CNTN5: variants seen among roughly 807,000 people sequenced by gnomAD.
CNTN5 encodes the protein contactin 5.
CNTN5 carries 77 observed loss-of-function variants against 129.1 expected under a neutral mutation model. That is an observed-to-expected ratio of 0.60 (90% CI 0.50 to 0.72). The LOEUF (loss-of-function observed/expected upper bound fraction) is 0.72. CNTN5 is among the 30% of genes least tolerant of loss of function. The pLI is 0.00. For missense variants in CNTN5, 1,478 were observed against 1,328.8 expected (o/e 1.11, Z -1.75); for synonymous variants, 509 against 465.6 (o/e 1.09, Z -1.20).
intron 8 of CNTN5, among the ~76,000 whole-genome samples, chr11:99,999,817 C>G (rs1263286296): frequency 9.2e-5 from 14 of 152,030 alleles, no homozygotes; most frequent in Admixed American, 7.9e-4. Flanking sequence ...CCATGGAATA[C>G]TACGCAGCCA....
At chr11:99,208,476 A>G (rs1300800593) in intron 1 of CNTN5, among the ~76,000 whole-genome samples, 1 of 152,176 alleles carries the variant, frequency 6.6e-6, no homozygotes, top group Non-Finnish European at 1.5e-5. Context: ...TTACCAAGCC[A>G]TTATAATAAT....
chr11:100,082,130 G>A (rs941102474), intron 13 of CNTN5, among the ~76,000 whole-genome samples: 2 of 152,050 alleles, frequency 1.3e-5, no homozygotes, highest in Admixed American at 1.3e-4. Flanking sequence ...TGTGTGTATG[G>A]GTGTGTGTAC....
intron 1 of CNTN5, among the ~76,000 whole-genome samples, chr11:99,084,587 T>G (rs1865924914): frequency 6.6e-6 from 1 of 152,218 alleles, no homozygotes; most frequent in Non-Finnish European, 1.5e-5. Context: ...TATCCCTGTT[T>G]TCTTAACATT....
chr11:99,463,276 A>G (rs1944796656), intron 2 of CNTN5, among the ~76,000 whole-genome samples: 1 of 149,556 alleles, frequency 6.7e-6, no homozygotes, highest in Non-Finnish European at 1.5e-5. Flanking sequence ...ATCTCTACTA[A>G]AAATACAAAA....
At chr11:99,394,802 T>A (rs1480679822) in intron 2 of CNTN5, among the ~76,000 whole-genome samples, 1 of 151,900 alleles carries the variant, frequency 6.6e-6, no homozygotes, top group Non-Finnish European at 1.5e-5. Flanking sequence ...GTATTCGGTT[T>A]TCTGTTCCAG....
At chr11:99,534,508 C>T (rs984190846) in intron 2 of CNTN5, among the ~76,000 whole-genome samples, 8 of 140,578 alleles carry the variant, frequency 5.7e-5, no homozygotes, top group African/African-American at 2.0e-4. Flanking sequence ...AAAATTTGGG[C>T]ATAGTTAGAA....
At chr11:100,100,529 G>A (rs1005520533) in intron 13 of CNTN5, among the ~76,000 whole-genome samples, 3 of 151,972 alleles carry the variant, frequency 2.0e-5, no homozygotes, top group African/African-American at 7.2e-5. Context: ...TCCATCCACT[G>A]TCTGTAAACT....
At chr11:99,287,904 A>G (rs368530324) in intron 1 of CNTN5, among the ~76,000 whole-genome samples, 1 of 151,962 alleles carries the variant, frequency 6.6e-6, no homozygotes, top group East Asian at 1.9e-4. Context: ...TGAAAAAAGA[A>G]GGAAAAAGAG....
Position 100,356,526 on chromosome 11 carries a change from T to C in CNTN5, c.*306T>C. 1 of 343,234 alleles carries C rather than the reference T, an allele frequency of 2.9e-6. No homozygotes were observed. The highest frequency in any genetic ancestry group is 4.4e-5 in the Admixed American group (1 of 22,736). 21.3% of individuals were successfully genotyped at this position (343,234 alleles called of 1,614,324 possible). On this transcript the variant is annotated 3_prime_UTR_variant, in exon 25 of 25. Coordinates refer to ENST00000524871, the MANE Select transcript of CNTN5 (RefSeq NM_014361.4). ...CTTTACTTTTTTAATATGTTGGGAT[T>C]TTATTTTATATCTGATGACTCCGAG...
intron 9 of CNTN5, among the ~76,000 whole-genome samples, chr11:100,043,664 T>A (rs1942492673): frequency 2.0e-5 from 3 of 152,174 alleles, no homozygotes. Context: ...TGGATTTTCC[T>A]GCCAGGAACA....
chr11:100,329,586 TAACACCAC>T (rs1257966401), intron 21 of CNTN5, among the ~76,000 whole-genome samples: 2 of 152,094 alleles, frequency 1.3e-5, no homozygotes, highest in African/African-American at 4.8e-5. Context: ...ACTCCCCAAC[TAACACCAC>T]TGGAGCAGGT....
chr11:100,176,975 G>A (rs1468798549), intron 13 of CNTN5, among the ~76,000 whole-genome samples: 2 of 151,814 alleles, frequency 1.3e-5, no homozygotes, highest in Admixed American at 1.3e-4. Flanking sequence ...AATAATTGAG[G>A]TTATGACTAT....
intron 3 of CNTN5, among the ~76,000 whole-genome samples, chr11:99,653,348 C>G (rs574271367): frequency 7.0e-4 from 106 of 152,048 alleles, no homozygotes; most frequent in Middle Eastern, 3.4e-3. Context: ...AGCACAGTAT[C>G]TGGCTCTTGG....
At chr11:100,203,116 G>T (rs1162205795) in intron 15 of CNTN5, among the ~76,000 whole-genome samples, 1 of 151,942 alleles carries the variant, frequency 6.6e-6, no homozygotes, top group East Asian at 1.9e-4. Context: ...TGTTCAGTAA[G>T]ATAAAATCAT....
chr11:99,978,734 T>A (rs1233556617), intron 8 of CNTN5, among the ~76,000 whole-genome samples: 1 of 152,210 alleles, frequency 6.6e-6, no homozygotes, highest in African/African-American at 2.4e-5. Flanking sequence ...CGAAATTGCC[T>A]AATGTCGCAT....
intron 1 of CNTN5, among the ~76,000 whole-genome samples, chr11:99,058,340 G>A (rs1314950954): frequency 1.3e-5 from 2 of 152,010 alleles, no homozygotes; most frequent in Non-Finnish European, 2.9e-5. Context: ...TCAGTGAAGA[G>A]GTGGAGGCTG....
At chr11:99,324,819 T>G (rs1591523918) in intron 1 of CNTN5, among the ~76,000 whole-genome samples, 1 of 152,214 alleles carries the variant, frequency 6.6e-6, no homozygotes, top group East Asian at 1.9e-4. Flanking sequence ...TTTTTTGTAT[T>G]TTTAGTAGAG....
intron 15 of CNTN5, among the ~76,000 whole-genome samples, chr11:100,218,670 C>G (rs1324856576): frequency 1.3e-5 from 2 of 152,170 alleles, no homozygotes; most frequent in Admixed American, 6.5e-5. Flanking sequence ...GTCTGTGAAA[C>G]CTTTCTGAAA....
chr11:99,312,322 C>G (rs1865148972), intron 1 of CNTN5, among the ~76,000 whole-genome samples: 1 of 152,066 alleles, frequency 6.6e-6, no homozygotes, highest in South Asian at 2.1e-4. Context: ...AAAAAATTAT[C>G]TTGTCACTTA....
Sources: gnomAD v4.1 joint callset for allele counts (sites outside exome capture counted in the v4.1 genomes callset) on GRCh38, gnomAD v4.1.1 for gene constraint, MANE v1.5 for transcripts, NCBI Gene and HGNC (gene_info 2026-07-23, HGNC 2026-07-21) for gene names.